The following STON1 variants were observed in gnomAD, a reference collection of about 807,000 sequenced individuals.
The protein encoded by STON1 is stonin 1.
Under a neutral mutation model 60.9 loss-of-function variants are expected in STON1, and 79 were observed. The observed-to-expected ratio is 1.30, with a 90% CI of 1.08 to 1.56. The LOEUF (loss-of-function observed/expected upper bound fraction) is 1.56, where lower values mean the gene tolerates loss of function less well. STON1 is among the 40% of genes most tolerant of loss of function. The pLI is 0.00. For missense variants in STON1, 1,166 were observed against 858.9 expected, an observed-to-expected ratio of 1.36 and a Z score of -4.47; for synonymous variants, 363 against 306.9, an observed-to-expected ratio of 1.18 and a Z score of -1.91.
At chr2:48,533,068 C>G (rs754091521) in intron 1 of STON1, among the ~76,000 whole-genome samples, 19 of 151,992 alleles carry the variant, frequency 1.3e-4, no homozygotes, top group Non-Finnish European at 2.8e-4. Context: ...GACTGGGCAA[C>G]AAAGTGAGAC....
intron 1 of STON1, among the ~76,000 whole-genome samples, chr2:48,578,431 T>G (rs190139694): frequency 3.1e-3 from 478 of 152,296 alleles, no homozygotes; most frequent in South Asian, 0.012. Context: ...TTTTTTTCTT[T>G]TTTTAACTCA....
chr2:48,551,173 T>C (rs934181270), intron 1 of STON1, among the ~76,000 whole-genome samples: 7 of 152,226 alleles, frequency 4.6e-5, no homozygotes, highest in Non-Finnish European at 8.8e-5. Flanking sequence ...TGGTGTGTCC[T>C]GACTTGTGTC....
chr2:48,531,438 T>G (rs1387031363), intron 1 of STON1: 1 of 152,188 alleles, frequency 6.6e-6, no homozygotes, highest in East Asian at 1.9e-4. Context: ...GTGGAAGAAT[T>G]GTTTAGTTCA....
intron 1 of STON1, among the ~76,000 whole-genome samples, chr2:48,553,371 C>T (rs1056651567): frequency 6.6e-6 from 1 of 151,230 alleles, no homozygotes; most frequent in African/African-American, 2.4e-5. Flanking sequence ...CTTCTCTTCC[C>T]TTCCCTTCCC....
chr2:48,575,433 C>A (rs554549994), intron 1 of STON1, among the ~76,000 whole-genome samples: 7 of 152,050 alleles, frequency 4.6e-5, no homozygotes, highest in African/African-American at 1.7e-4. Context: ...GAGGGTGGAT[C>A]ACCTGAGGTC....
chr2:48,537,311 GT>G (rs1185295172), intron 1 of STON1, among the ~76,000 whole-genome samples: 11 of 151,970 alleles, frequency 7.2e-5, no homozygotes, highest in Non-Finnish European at 2.9e-5. Context: ...TTTTAACAAG[GT>G]AAAAATTATA....
At chr2:48,566,969 C>T (rs1672974750) in intron 1 of STON1, among the ~76,000 whole-genome samples, 1 of 151,872 alleles carries the variant, frequency 6.6e-6, no homozygotes, top group South Asian at 2.1e-4. Flanking sequence ...GAATCTATGT[C>T]ACTATTCTCT....
chr2:48,597,176 T>G lies in STON1; in HGVS notation c.*1874T>G, dbSNP rs975472251. ...CCGCTATTGCTCTTTTTAACTTCAT[T>G]TGATGCCTTGCTTATAATATCATAT... On this transcript the variant is annotated 3_prime_UTR_variant, in exon 4 of 4. Transcript: ENST00000404752. The G allele has an allele frequency of 6.6e-6, 1 of 152,210 alleles. No individual in the cohort carries two copies. Among genetic ancestry groups the G allele is most frequent in the African/African-American group, 2.4e-5 (1 of 41,446 alleles). The allele number at this position is 152,210 out of a possible 1,614,324, so 9.4% of individuals were successfully genotyped here.
At chr2:48,569,614 C>T (rs894325587) in intron 1 of STON1, among the ~76,000 whole-genome samples, 1 of 152,218 alleles carries the variant, frequency 6.6e-6, no homozygotes, top group Non-Finnish European at 1.5e-5. Flanking sequence ...CTTGAAAAAG[C>T]TTCAGTCTGA....
Position 48,580,976 on chromosome 2 carries a change from G to A in STON1, c.343G>A (p.Ala115Thr), listed in dbSNP as rs147769896. The A allele has an allele frequency of 6.6e-5, 104 of 1,575,638 alleles. No individual in the cohort carries two copies. Among genetic ancestry groups the A allele is most frequent in the African/African-American group, 1.5e-4 (11 of 73,624 alleles). The change falls in exon 2 of 4, where the codon GCA becomes ACA. Residue 115 changes from alanine to threonine, a missense_variant. Ala to Thr is a moderately conservative substitution (Grantham distance 58). Transcript: ENST00000404752. Reference protein sequence around the residue: ...IPESSSDSPLAISGGESSLLP... With the variant: ...IPESSSDSPLTISGGESSLLP... Reference sequence around the variant, plus strand: ...AGAATCATCTTCAGACAGCCCACTCGCAATATCAGGAGGAGAATCTTCCTT... The same window carrying A: ...AGAATCATCTTCAGACAGCCCACTCACAATATCAGGAGGAGAATCTTCCTT...
At chr2:48,552,625 C>T (rs1475792118) in intron 1 of STON1, among the ~76,000 whole-genome samples, 1 of 151,840 alleles carries the variant, frequency 6.6e-6, no homozygotes, top group African/African-American at 2.4e-5. Context: ...AAAAATTTAG[C>T]AGGGTATGGT....
intron 2 of STON1, among the ~76,000 whole-genome samples, chr2:48,584,161 G>A (rs1042771801): frequency 2.0e-5 from 3 of 152,202 alleles, no homozygotes; most frequent in African/African-American, 4.8e-5. Context: ...CACAGCTGCT[G>A]TAGTCCTTCA....
At chr2:48,550,281 T>C (rs1558582861) in intron 1 of STON1, among the ~76,000 whole-genome samples, 1 of 152,078 alleles carries the variant, frequency 6.6e-6, no homozygotes, top group African/African-American at 2.4e-5. Context: ...GTGGATCACC[T>C]GAGGTCAGGA....
chr2:48,551,551 G>C (rs1437683753), intron 1 of STON1, among the ~76,000 whole-genome samples: 1 of 152,206 alleles, frequency 6.6e-6, no homozygotes, highest in Non-Finnish European at 1.5e-5. Context: ...CCTGATTCTG[G>C]GGACGGGGCG....
chr2:48,561,790 G>A (rs1445524739), intron 1 of STON1, among the ~76,000 whole-genome samples: 1 of 152,178 alleles, frequency 6.6e-6, no homozygotes, highest in African/African-American at 2.4e-5. Context: ...TGGTGGTAAT[G>A]AATATTAACC....
At chr2:48,594,853 G>A (rs1439089127) in intron 3 of STON1, among the ~76,000 whole-genome samples, 1 of 152,088 alleles carries the variant, frequency 6.6e-6, no homozygotes, top group Admixed American at 6.6e-5. Context: ...ATCTTAAGGG[G>A]GCCAATGGCT....
At chr2:48,567,499 C>T (rs1216361847) in intron 1 of STON1, among the ~76,000 whole-genome samples, 1 of 152,164 alleles carries the variant, frequency 6.6e-6, no homozygotes, top group African/African-American at 2.4e-5. Flanking sequence ...GCAGTCTCCG[C>T]CTCCTGTGTT....
chr2:48,549,959 A>G lies in STON1; in HGVS notation c.-48+19743A>G, dbSNP rs923098501. 5.9e-5 allele frequency among the ~76,000 whole-genome samples: 9 copies of G among 151,982 alleles called. No homozygotes were observed. In the East Asian group the frequency reaches 1.5e-3, roughly 26 times the overall value. Reference sequence around the variant, plus strand: ...CTCCAGCTGAGCAGTTTGGGAGAATATAAGTCCAGACAGGAGGGAAGAGTA... The same window carrying G: ...CTCCAGCTGAGCAGTTTGGGAGAATGTAAGTCCAGACAGGAGGGAAGAGTA... On this transcript the variant is annotated intron_variant, in intron 1 of 3. Transcript: ENST00000404752.
Position 48,591,807 on chromosome 2 carries a change from T to C in STON1, c.2085T>C (p.Asp695=). 1.9e-6 allele frequency: 3 copies of C among 1,614,162 alleles called. No individual in the cohort carries two copies. Among genetic ancestry groups the C allele is most frequent in the Non-Finnish European group, 2.5e-6 (3 of 1,180,034 alleles). ...TEVRSLGVES[D]VQPQKHVQQR... ...TCAGGTCTCTGGGAGTGGAGAGTGA[T>C]GTCCAGCCACAGAAACATGTTCAGC... Residue 695 remains aspartate (D), a synonymous_variant, in exon 3 of 4, where the codon GAT becomes GAC. Transcript: ENST00000404752.
Sources: allele counts gnomAD v4.1 joint callset (sites outside exome capture counted in the v4.1 genomes callset), GRCh38; gene constraint gnomAD v4.1.1; transcripts MANE v1.5; gene names NCBI Gene and HGNC (gene_info 2026-07-23, HGNC 2026-07-21).